Variants in ALK observed in about 807,000 individuals in gnomAD.
ALK encodes ALK receptor tyrosine kinase.
Under a neutral mutation model 163.1 loss-of-function variants are expected in ALK, and 74 were observed. That is an observed-to-expected ratio of 0.45 (90% confidence interval 0.38 to 0.55). ALK has a LOEUF of 0.55. Among genes scored for constraint, ALK ranks in the 20% least tolerant of loss-of-function variants. The probability of loss-of-function intolerance (pLI) is 0.00; values close to 1 mark genes in which losing one functional copy is unlikely to be tolerated. For synonymous variants in ALK, 960 were observed against 843.2 expected, an observed-to-expected ratio of 1.14 and a Z score of -2.40; for missense variants, 2,063 against 2,105.3, an observed-to-expected ratio of 0.98 and a Z score of 0.39.
chr2:29,356,719 CA>C (rs1219836568), intron 5 of ALK, among the ~76,000 whole-genome samples: 1 of 152,194 alleles, frequency 6.6e-6, no homozygotes, highest in Non-Finnish European at 1.5e-5. Context: ...CACTCAATCA[CA>C]CTGAAAATGA....
intron 3 of ALK, among the ~76,000 whole-genome samples, chr2:29,664,325 G>A (rs145619494): frequency 5.9e-5 from 9 of 152,140 alleles, no homozygotes; most frequent in Non-Finnish European, 8.8e-5. Flanking sequence ...AAATAATGAC[G>A]TTACTAAATA....
At chr2:29,362,932 G>A (rs1420223037) in intron 5 of ALK, among the ~76,000 whole-genome samples, 1 of 152,156 alleles carries the variant, frequency 6.6e-6, no homozygotes, top group Non-Finnish European at 1.5e-5. Flanking sequence ...ATTTACATGG[G>A]TTGCTACAAC....
chr2:29,589,097 G>C (rs183640256), intron 3 of ALK, among the ~76,000 whole-genome samples: 224 of 152,172 alleles, frequency 1.5e-3, no homozygotes, highest in African/African-American at 3.3e-3. Context: ...TCTCTGCAGC[G>C]TTCAACCACC....
chr2:29,480,200 CAT>C (rs1467829115), intron 4 of ALK, among the ~76,000 whole-genome samples: 3 of 152,170 alleles, frequency 2.0e-5, no homozygotes, highest in Non-Finnish European at 2.9e-5. Context: ...AGTACAGTCT[CAT>C]GTGGAATAAC....
At position 29,372,400 on chromosome 2, in the gene ALK, AG is replaced by A. The variant is rs549791244; in HGVS notation, c.1282+11331del. 4.7e-3 allele frequency among the ~76,000 whole-genome samples: 712 copies of A among 152,312 alleles called. 8 individuals carry two copies. Among genetic ancestry groups the A allele is most frequent in the African/African-American group, 0.017 (686 of 41,568 alleles). The stretch of plus-strand genomic sequence containing the variant: ...AGTTGTACTAGTTCACTGTTGGTCC[AG>A]TTTTTCTTGATGACTCATACCAATT... On this transcript the variant is annotated intron_variant, in intron 5 of 28. Coordinates refer to ENST00000389048, the MANE Select transcript of ALK (RefSeq NM_004304.5).
chr2:29,444,421 C>G (rs1038932605), intron 4 of ALK, among the ~76,000 whole-genome samples: 30 of 152,142 alleles, frequency 2.0e-4, no homozygotes, highest in African/African-American at 6.8e-4. Flanking sequence ...CAGCCCAAGG[C>G]TGCCTGATTT....
chr2:29,385,740 T>C (rs1220212593), intron 4 of ALK, among the ~76,000 whole-genome samples: 1 of 152,188 alleles, frequency 6.6e-6, no homozygotes, highest in African/African-American at 2.4e-5. Context: ...GAGACCATAG[T>C]ACATATACTC....
At chr2:29,378,714 C>T (rs967793608) in intron 5 of ALK, among the ~76,000 whole-genome samples, 1 of 151,754 alleles carries the variant, frequency 6.6e-6, no homozygotes, top group African/African-American at 2.4e-5. Flanking sequence ...CTCCCCTCCC[C>T]TCCCTCCCTC....
At chr2:29,911,041 A>C (rs1667687680) in intron 1 of ALK, among the ~76,000 whole-genome samples, 1 of 152,202 alleles carries the variant, frequency 6.6e-6, no homozygotes, top group South Asian at 2.1e-4. Context: ...AATCAGGAAC[A>C]TTGAGGAAGA....
chr2:29,231,507 G>A (rs914378152), intron 15 of ALK, among the ~76,000 whole-genome samples: 5 of 152,204 alleles, frequency 3.3e-5, no homozygotes, highest in African/African-American at 9.6e-5. Context: ...AACAGAGGCA[G>A]AGGTGCTTCA....
chr2:29,762,126 T>C (rs995293815), intron 1 of ALK, among the ~76,000 whole-genome samples: 4 of 152,240 alleles, frequency 2.6e-5, no homozygotes, highest in African/African-American at 7.2e-5. Flanking sequence ...TGGTTTTCCC[T>C]AGCCAAGGAT....
intron 4 of ALK, among the ~76,000 whole-genome samples, chr2:29,386,470 G>A (rs1181950756): frequency 6.6e-6 from 1 of 152,192 alleles, no homozygotes; most frequent in Non-Finnish European, 1.5e-5. Flanking sequence ...GACAAAAAGA[G>A]CCGAATTTGT....
intron 8 of ALK, among the ~76,000 whole-genome samples, chr2:29,307,139 A>T (rs889534731): frequency 6.6e-6 from 1 of 152,238 alleles, no homozygotes; most frequent in African/African-American, 2.4e-5. Flanking sequence ...CATGTTTGCT[A>T]TGCATACCTC....
Position 29,239,682 on chromosome 2 carries a change from T to G in ALK, c.2353A>C (p.Ser785Arg). 6.2e-7 allele frequency: 1 copy of G among 1,613,828 alleles called. No individual in the cohort carries two copies. The highest frequency in any genetic ancestry group is 8.5e-7 in the Non-Finnish European group (1 of 1,180,022). ...AAACCCCTGCTCTGGGCACTTACAC[T>G]GGGGCAGGCGTCCTCTCCCTGCTGC... ...VGQQGEDACPSTNQLIQKVCI... is the reference protein window; with the variant it reads ...VGQQGEDACPRTNQLIQKVCI... The change falls in exon 13 of 29, where the codon AGT (serine) becomes CGT (arginine). Residue 785 changes from serine (S) to arginine (R), a missense_variant and splice_region_variant. This residue lies in a region of ALK where 575 missense variants were observed against 626.6 expected (regional missense o/e 0.92). Transcript: ENST00000389048.
chr2:29,572,570 G>A (rs1284168319), intron 3 of ALK, among the ~76,000 whole-genome samples: 3 of 152,096 alleles, frequency 2.0e-5, no homozygotes, highest in Admixed American at 2.0e-4. Flanking sequence ...CGCCTATCTG[G>A]GTGGTTATTA....
intron 4 of ALK, among the ~76,000 whole-genome samples, chr2:29,483,337 C>G (rs1671707709): frequency 6.6e-6 from 1 of 152,362 alleles, no homozygotes; most frequent in East Asian, 1.9e-4. Context: ...GGATAGGACA[C>G]AGGCATCAGG....
At chr2:29,402,179 C>T (rs1217001091) in intron 4 of ALK, among the ~76,000 whole-genome samples, 1 of 152,220 alleles carries the variant, frequency 6.6e-6, no homozygotes, top group African/African-American at 2.4e-5. Context: ...AAGCCAGAGG[C>T]ACAAACAGCC....
At chr2:29,674,639 T>A (rs1373293746) in intron 3 of ALK, among the ~76,000 whole-genome samples, 6 of 151,808 alleles carry the variant, frequency 4.0e-5, no homozygotes, top group African/African-American at 1.5e-4. Flanking sequence ...AAATTCTCTT[T>A]CTTGGTTGTG....
intron 4 of ALK, among the ~76,000 whole-genome samples, chr2:29,529,810 A>G (rs1279608228): frequency 1.3e-5 from 2 of 152,230 alleles, no homozygotes; most frequent in Non-Finnish European, 2.9e-5. Flanking sequence ...AGACAAAGCC[A>G]TCAAGTCACT....
Sources: allele counts gnomAD v4.1 joint callset (sites outside exome capture counted in the v4.1 genomes callset), GRCh38; gene constraint gnomAD v4.1.1; regional missense constraint gnomAD v4.1.1; transcripts MANE v1.5; gene names NCBI Gene and HGNC (gene_info 2026-07-23, HGNC 2026-07-21).